PLCB1: variants seen among roughly 807,000 people sequenced by gnomAD.
The protein encoded by PLCB1 is 1-phosphatidylinositol 4,5-bisphosphate phosphodiesterase beta-1.
PLCB1 carries 46 observed loss-of-function variants against 161.8 expected under a neutral mutation model. The observed-to-expected ratio is 0.28, with a 90% CI of 0.22 to 0.36. The LOEUF is 0.36. Ranked by LOEUF, PLCB1 falls within the 10% of genes least tolerant of loss-of-function variation. PLCB1 has a pLI of 1.00. For synonymous variants in PLCB1, 517 were observed against 503.7 expected (o/e 1.03, Z -0.35); for missense variants, 1,016 against 1,472.5 (o/e 0.69, Z 5.07).
intron 31 of PLCB1, among the ~76,000 whole-genome samples, chr20:8,850,852 T>G (rs1005189345): frequency 3.3e-5 from 5 of 152,244 alleles, no homozygotes; most frequent in African/African-American, 1.2e-4. Context: ...TATTATGTTA[T>G]AGCAGCAGGA....
intron 31 of PLCB1, among the ~76,000 whole-genome samples, chr20:8,870,095 C>T (rs969076273): frequency 6.6e-6 from 1 of 152,144 alleles, no homozygotes. Context: ...ATAGACTCCT[C>T]ATCTCTCATA....
chr20:8,353,298 TC>T (rs1454299163), intron 2 of PLCB1, among the ~76,000 whole-genome samples: 1 of 152,042 alleles, frequency 6.6e-6, no homozygotes, highest in East Asian at 1.9e-4. Context: ...AAAATAAGTA[TC>T]CATAGGCCAC....
intron 3 of PLCB1, among the ~76,000 whole-genome samples, chr20:8,526,555 T>C (rs543973133): frequency 6.6e-6 from 1 of 152,250 alleles, no homozygotes; most frequent in East Asian, 1.9e-4. Flanking sequence ...TACATTTCCA[T>C]CGGCCTTTCC....
intron 3 of PLCB1, among the ~76,000 whole-genome samples, chr20:8,605,436 A>C (rs1987727820): frequency 6.6e-6 from 1 of 152,038 alleles, no homozygotes; most frequent in African/African-American, 2.4e-5. Context: ...TTTTCTTTAA[A>C]ATATAACAAC....
chr20:8,878,597 A>G lies in PLCB1; in HGVS notation c.3424-3025A>G, dbSNP rs973993213. On this transcript the variant is annotated intron_variant, in intron 31 of 31. Coordinates refer to ENST00000338037, the MANE Select transcript of PLCB1 (RefSeq NM_015192.4). ...CAGCATGTTTCCTCCTCGGCTTATA[A>G]GAATTTATATGCTAGCAAATAGATT... Among the ~76,000 whole-genome samples, 29 of 152,184 alleles carry G rather than the reference A, an allele frequency of 1.9e-4. 1 individual carries two copies. Among genetic ancestry groups the G allele is most frequent in the Non-Finnish European group, 2.9e-4 (20 of 68,032 alleles).
chr20:8,253,185 CA>C (rs1184243250), intron 2 of PLCB1, among the ~76,000 whole-genome samples: 1 of 150,722 alleles, frequency 6.6e-6, no homozygotes, highest in Non-Finnish European at 1.5e-5. Context: ...AGCTGGAATT[CA>C]GAGGTATTGA....
intron 2 of PLCB1, among the ~76,000 whole-genome samples, chr20:8,295,931 T>G (rs1049533161): frequency 3.3e-5 from 5 of 152,060 alleles, no homozygotes; most frequent in Non-Finnish European, 7.4e-5. Context: ...TAGGCTAGTC[T>G]CAAATTCCTG....
At chr20:8,774,239 T>C (rs1982832665) in intron 26 of PLCB1, among the ~76,000 whole-genome samples, 1 of 145,082 alleles carries the variant, frequency 6.9e-6, no homozygotes. Flanking sequence ...TATTAGACAC[T>C]GTTTTTCCCA....
At chr20:8,846,312 A>G (rs1986690541) in intron 31 of PLCB1, among the ~76,000 whole-genome samples, 1 of 151,002 alleles carries the variant, frequency 6.6e-6, no homozygotes, top group South Asian at 2.1e-4. Context: ...ACCTCCCAGC[A>G]GGCCCCTCCT....
At chr20:8,546,840 T>A (rs1417278038) in intron 3 of PLCB1, among the ~76,000 whole-genome samples, 3 of 152,200 alleles carry the variant, frequency 2.0e-5, no homozygotes, top group African/African-American at 7.2e-5. Flanking sequence ...GAGTTTTTTT[T>A]AATATCATAA....
chr20:8,738,748 A>C (rs1277687681), intron 20 of PLCB1, among the ~76,000 whole-genome samples: 1 of 152,212 alleles, frequency 6.6e-6, no homozygotes, highest in Admixed American at 6.5e-5. Context: ...ACATAGATGA[A>C]GCCCTATCTC....
intron 2 of PLCB1, among the ~76,000 whole-genome samples, chr20:8,216,346 A>T (rs1400810163): frequency 2.6e-5 from 4 of 152,108 alleles, no homozygotes; most frequent in African/African-American, 9.7e-5. Context: ...GTCATTGTGG[A>T]TCTCAGACTG....
rs577749117 is a variant in PLCB1, at chr20:8,373,781, T to C, written c.246+2331T>C. ...TTCACTCACTTAATTTGGAAATGTT[T>C]ATGTCAGCAAAAGGGATCAGAGGAG... On this transcript the variant is annotated intron_variant, in intron 3 of 31. Coordinates refer to ENST00000338037, the MANE Select transcript of PLCB1 (RefSeq NM_015192.4). 3.3e-5 allele frequency among the ~76,000 whole-genome samples: 5 copies of C among 152,280 alleles called. No homozygotes were observed. The South Asian group carries it at 8.3e-4, about 25-fold the overall frequency.
intron 3 of PLCB1, among the ~76,000 whole-genome samples, chr20:8,496,779 A>C (rs1364175411): frequency 6.6e-6 from 1 of 152,224 alleles, no homozygotes; most frequent in East Asian, 1.9e-4. Flanking sequence ...GTTGGCCTGT[A>C]TCCTACCAAG....
intron 3 of PLCB1, among the ~76,000 whole-genome samples, chr20:8,530,160 C>G (rs1201070728): frequency 6.6e-6 from 1 of 152,102 alleles, no homozygotes; most frequent in Non-Finnish European, 1.5e-5. Flanking sequence ...AGTATCTTTT[C>G]AAGTGTTCTG....
In PLCB1 at chr20:8,228,619, C is replaced by G. The variant is rs1214882934; in HGVS notation, c.177+78248C>G. On this transcript the variant is annotated intron_variant, in intron 2 of 31. Coordinates refer to ENST00000338037, the MANE Select transcript of PLCB1 (RefSeq NM_015192.4). ...ACCTCCCTGGCTTAAGTGATTCTCTCACCTCAGCCTCCCACAGAATACTGG... is the reference window on the plus strand; with the variant it reads ...ACCTCCCTGGCTTAAGTGATTCTCTGACCTCAGCCTCCCACAGAATACTGG... Among the ~76,000 whole-genome samples the G allele has an allele frequency of 7.2e-5, 11 of 152,208 alleles. No individual in the cohort carries two copies. In the East Asian group the frequency reaches 2.1e-3, roughly 29 times the overall value.
intron 3 of PLCB1, among the ~76,000 whole-genome samples, chr20:8,505,370 C>T (rs1050496951): frequency 1.3e-5 from 2 of 152,096 alleles, no homozygotes; most frequent in South Asian, 4.1e-4. Context: ...AATAGGTAAA[C>T]ATAGGCTGGG....
chr20:8,509,749 GATAGA>G lies in PLCB1; in HGVS notation c.247-118544_247-118540del. On this transcript the variant is annotated intron_variant, in intron 3 of 31. Coordinates refer to ENST00000338037, the MANE Select transcript of PLCB1 (RefSeq NM_015192.4). ...CAGATCATAGATAGATAGATAGATAGATAGATAGATAGATAGATAGATAGATAGAT... is the reference window on the plus strand; with the variant it reads ...CAGATCATAGATAGATAGATAGATAGTAGATAGATAGATAGATAGATAGAT... Among the ~76,000 whole-genome samples, 2 of 149,948 alleles carry G rather than the reference GATAGA, an allele frequency of 1.3e-5. 1 individual carries two copies. The highest frequency in any genetic ancestry group is 4.2e-4 in the South Asian group (2 of 4,780).
intron 2 of PLCB1, among the ~76,000 whole-genome samples, chr20:8,332,376 T>A (rs1235507629): frequency 6.6e-6 from 1 of 152,222 alleles, no homozygotes; most frequent in African/African-American, 2.4e-5. Context: ...AAAACCTAAA[T>A]AGATCCCAAA....
Sources: allele counts gnomAD v4.1 joint callset (sites outside exome capture counted in the v4.1 genomes callset), GRCh38; gene constraint gnomAD v4.1.1; transcripts MANE v1.5; gene names NCBI Gene and HGNC (gene_info 2026-07-23, HGNC 2026-07-21).